ATP5MG: variants seen among roughly 807,000 people sequenced by gnomAD.
ATP5MG encodes the protein ATP synthase F(0) complex subunit g, mitochondrial.
A neutral mutation model predicts 12.7 loss-of-function variants in ATP5MG; 7 were observed. The observed-to-expected ratio is 0.55, with a 90% CI of 0.31 to 1.04. The LOEUF is 1.04. Among genes scored for constraint, ATP5MG ranks in the 50% least tolerant of loss-of-function variants. The probability of loss-of-function intolerance (pLI) is 0.05; values close to 1 mark genes in which losing one functional copy is unlikely to be tolerated. For missense variants in ATP5MG, 116 were observed against 126.7 expected (o/e 0.92, Z 0.41); for synonymous variants, 53 against 48.2 (o/e 1.10, Z -0.41).
At chr11:118,404,384 C>G (rs1382789411) in intron 1 of ATP5MG, among the ~76,000 whole-genome samples, 3 of 144,292 alleles carry the variant, frequency 2.1e-5, no homozygotes, top group Non-Finnish European at 4.8e-5. Context: ...CATTTAGTTT[C>G]TATGTCTTCC....
Position 118,409,205 on chromosome 11 carries a change from T to C in ATP5MG, c.*107T>C, listed in dbSNP as rs1948997483. ...TAAAATAAGATTTGTCAAAACTCAG[T>C]GTTTTCTCCATCAGATACTCCATGA... is the stretch of plus-strand genomic sequence containing the variant. On this transcript the variant is annotated 3_prime_UTR_variant, in exon 3 of 3. Transcript: ENST00000300688. 1 of 693,064 alleles carries C rather than the reference T, an allele frequency of 1.4e-6. No individual in the cohort carries two copies. The highest frequency in any genetic ancestry group is 2.1e-6 in the Non-Finnish European group (1 of 471,128). 42.9% of individuals were successfully genotyped at this position (693,064 alleles called of 1,614,324 possible).
rs907408673 is a variant in ATP5MG, at chr11:118,401,621, C to T, written c.-45C>T. On this transcript the variant is annotated 5_prime_UTR_variant, in exon 1 of 3. Transcript: ENST00000300688. ...TGCAGCGGGTCCTTCCGGCGGGTGA[C>T]ATTCAGCCGGCGGTTCGGGGCGACG... The T allele has an allele frequency of 6.2e-7, 1 of 1,612,738 alleles. No homozygotes were observed. Among genetic ancestry groups the T allele is most frequent in the Non-Finnish European group, 8.5e-7 (1 of 1,178,942 alleles).
intron 1 of ATP5MG, 72 bp from the exon 2 acceptor site, chr11:118,406,865 C>T (rs1449173746): frequency 1.3e-6 from 2 of 1,532,414 alleles, no homozygotes; most frequent in East Asian, 4.9e-5. Flanking sequence ...TGTGTCCAGC[C>T]CACACATCTG....
chr11:118,407,855 C>T (rs1232809581), intron 2 of ATP5MG, among the ~76,000 whole-genome samples: 1 of 151,372 alleles, frequency 6.6e-6, no homozygotes, highest in East Asian at 1.9e-4. Context: ...CAGAGTAAGA[C>T]CCTATCTCTT....
chr11:118,403,330 TA>T (rs1219752645), intron 1 of ATP5MG, among the ~76,000 whole-genome samples: 24 of 151,708 alleles, frequency 1.6e-4, no homozygotes, highest in African/African-American at 5.8e-4. Flanking sequence ...ACCCCATCTC[TA>T]CAAAAAATAC....
rs1362915822 is a variant in ATP5MG, at chr11:118,409,615, C to T, written c.*517C>T. On this transcript the variant is annotated 3_prime_UTR_variant, in exon 3 of 3. Coordinates refer to ENST00000300688, the MANE Select transcript of ATP5MG (RefSeq NM_006476.5). ...GTACTTGTCATCTTGAATATAGCCT[C>T]CCCAAGAGAGAACAGGGTGGTATTC... is the stretch of plus-strand genomic sequence containing the variant. 2 of 152,142 alleles carry T rather than the reference C, an allele frequency of 1.3e-5. No homozygotes were observed. Among genetic ancestry groups the T allele is most frequent in the African/African-American group, 4.8e-5 (2 of 41,426 alleles). The allele number at this position is 152,142 out of a possible 1,614,324, so 9.4% of individuals were successfully genotyped here. A position where few individuals can be genotyped will look rare whatever the true frequency, so the allele number is the denominator to read the frequency against.
At chr11:118,406,906 G>T in intron 1 of ATP5MG, 31 bp from the exon 2 acceptor site, 1 of 1,560,742 alleles carries the variant, frequency 6.4e-7, no homozygotes, top group South Asian at 1.2e-5. Context: ...GTTCATCCTG[G>T]TTTTTTGTTT....
At chr11:118,403,199 A>G (rs147181614) in intron 1 of ATP5MG, among the ~76,000 whole-genome samples, 286 of 152,378 alleles carry the variant, frequency 1.9e-3, no homozygotes, top group African/African-American at 6.1e-3. Flanking sequence ...AATTTTATAT[A>G]AATCAAAAGA....
chr11:118,405,452 T>C (rs1284902387), intron 1 of ATP5MG, among the ~76,000 whole-genome samples: 1 of 152,238 alleles, frequency 6.6e-6, no homozygotes, highest in African/African-American at 2.4e-5. Context: ...ATTCATTATG[T>C]TTTATCTCTT....
intron 1 of ATP5MG, 107 bp downstream of exon 1, chr11:118,401,824 C>A: frequency 7.3e-7 from 1 of 1,374,536 alleles, no homozygotes; most frequent in Non-Finnish European, 9.8e-7. Flanking sequence ...CCTGCGGGTG[C>A]CGGGGCGGGA....
chr11:118,406,781 A>G (rs895680245), intron 1 of ATP5MG, 156 bp from the exon 2 acceptor site: 2 of 1,096,810 alleles, frequency 1.8e-6, no homozygotes, highest in Non-Finnish European at 2.5e-6. Flanking sequence ...GTTACCAGGG[A>G]GCAGCTTTGA....
Position 118,401,764 on chromosome 11 carries a change from A to AG in ATP5MG, c.52+49dup, listed in dbSNP as rs782488107. ...CGAGGCGGGCACACGGGCGGCAGGG[A>AG]GGCCTGCGATGGCCTGAGAGGAAGA... is the stretch of plus-strand genomic sequence containing the variant. On this transcript the variant is annotated intron_variant, in intron 1 of 2. Transcript: ENST00000300688. 5 of 1,600,794 alleles carry AG rather than the reference A, an allele frequency of 3.1e-6. No individual in the cohort carries two copies. The South Asian group carries it at 5.5e-5, about 18-fold the overall frequency.
chr11:118,406,643 C>G (rs1457023400), intron 1 of ATP5MG: 1 of 295,954 alleles, frequency 3.4e-6, no homozygotes, highest in Non-Finnish European at 6.5e-6. Context: ...CTAGATTTGC[C>G]ATTCATAAAT....
rs1591315489 is a variant in ATP5MG, at chr11:118,402,019, AGATCGCTAAGAGCAGG to A, written c.52+307_52+322del. 7 of 394,416 alleles carry A rather than the reference AGATCGCTAAGAGCAGG, an allele frequency of 1.8e-5. No homozygotes were observed. In the East Asian group the frequency reaches 3.2e-4, roughly 18 times the overall value. 24.4% of individuals were successfully genotyped at this position (394,416 alleles called of 1,614,324 possible). A position where few individuals can be genotyped will look rare whatever the true frequency, so the allele number is the denominator to read the frequency against. Reference sequence around the variant, plus strand: ...GCAGCTGCAACCATTACGCCCCCTGAGATCGCTAAGAGCAGGGATCTAGAGGGGATGGTTCTGTTAG... The same window carrying A: ...GCAGCTGCAACCATTACGCCCCCTGAGATCTAGAGGGGATGGTTCTGTTAG... On this transcript the variant is annotated intron_variant, in intron 1 of 2. Transcript: ENST00000300688.
chr11:118,404,671 C>A (rs1407152786), intron 1 of ATP5MG, among the ~76,000 whole-genome samples: 1 of 152,180 alleles, frequency 6.6e-6, no homozygotes, highest in Admixed American at 6.5e-5. Flanking sequence ...GTGATACAAG[C>A]TTTCATCACT....
Position 118,409,184 on chromosome 11 carries a change from A to G in ATP5MG, c.*86A>G, listed in dbSNP as rs1948997320. On this transcript the variant is annotated 3_prime_UTR_variant, in exon 3 of 3. Coordinates refer to ENST00000300688, the MANE Select transcript of ATP5MG (RefSeq NM_006476.5). ...GTGATCAGACTGCTATCTGAATAAAATAAGATTTGTCAAAACTCAGTGTTT... is the reference window on the plus strand; with the variant it reads ...GTGATCAGACTGCTATCTGAATAAAGTAAGATTTGTCAAAACTCAGTGTTT... 1.1e-6 allele frequency: 1 copy of G among 880,406 alleles called. No individual in the cohort carries two copies. The highest frequency in any genetic ancestry group is 2.9e-5 in the Admixed American group (1 of 34,668). The allele number at this position is 880,406 out of a possible 1,614,324, so 54.5% of individuals were successfully genotyped here. A position where few individuals can be genotyped will look rare whatever the true frequency, so the allele number is the denominator to read the frequency against.
At chr11:118,405,564 T>A in intron 1 of ATP5MG, 1 of 763,346 alleles carries the variant, frequency 1.3e-6, no homozygotes, top group Non-Finnish European at 1.6e-6. Flanking sequence ...TCATTTTTTT[T>A]TTAAGGATGA....
At position 118,407,761 on chromosome 11, in the gene ATP5MG, A is replaced by G. The variant is rs537632746; in HGVS notation, c.213+664A>G. Among the ~76,000 whole-genome samples, 626 of 152,202 alleles carry G rather than the reference A, an allele frequency of 4.1e-3. 5 individuals are homozygous for G. The highest frequency in any genetic ancestry group is 0.014 in the African/African-American group (591 of 41,508). On this transcript the variant is annotated intron_variant, in intron 2 of 2. Coordinates refer to ENST00000300688, the MANE Select transcript of ATP5MG (RefSeq NM_006476.5). ...GTGGCATGTACCTGTAGTCCCAACTACTTGGGAGGCTGAGGCGAGAGGATC... is the reference window on the plus strand; with the variant it reads ...GTGGCATGTACCTGTAGTCCCAACTGCTTGGGAGGCTGAGGCGAGAGGATC...
At chr11:118,405,653 T>C in intron 1 of ATP5MG, 1 of 985,376 alleles carries the variant, frequency 1.0e-6, no homozygotes, top group Non-Finnish European at 1.2e-6. Flanking sequence ...GTCCCATCTT[T>C]CAGGCATTGG....
Sources: gnomAD v4.1 joint callset for allele counts (sites outside exome capture counted in the v4.1 genomes callset) on GRCh38, gnomAD v4.1.1 for gene constraint, MANE v1.5 for transcripts, NCBI Gene and HGNC (gene_info 2026-07-23, HGNC 2026-07-21) for gene names.